RANBP3L: variants seen among roughly 807,000 people sequenced by gnomAD.
The protein encoded by RANBP3L is ran-binding protein 3-like.
Under a neutral mutation model 67.2 loss-of-function variants are expected in RANBP3L, and 56 were observed. That is an observed-to-expected ratio of 0.83 (90% CI 0.67 to 1.04). The LOEUF is 1.04. Ranked by LOEUF, RANBP3L falls within the 50% of genes least tolerant of loss-of-function variation. RANBP3L has a pLI of 0.00. For missense variants in RANBP3L, 496 were observed against 535.5 expected, an observed-to-expected ratio of 0.93 and a Z score of 0.73; for synonymous variants, 164 against 181.4, an observed-to-expected ratio of 0.90 and a Z score of 0.77.
intron 4 of RANBP3L, among the ~76,000 whole-genome samples, chr5:36,267,584 AGTAGTTT>A (rs1554016481): frequency 6.6e-6 from 1 of 152,142 alleles, no homozygotes; most frequent in Non-Finnish European, 1.5e-5. Flanking sequence ...AAATGAAGTG[AGTAGTTT>A]GTAATTTTTC....
At chr5:36,269,863 A>G in intron 3 of RANBP3L, 88 bp downstream of exon 3, 3 of 1,070,052 alleles carry the variant, frequency 2.8e-6, no homozygotes, top group Non-Finnish European at 4.4e-6. Context: ...TAACTTTCAC[A>G]TAGTCTGTGC....
chr5:36,281,665 A>G (rs1444812591), intron 1 of RANBP3L, among the ~76,000 whole-genome samples: 2 of 152,194 alleles, frequency 1.3e-5, no homozygotes, highest in Non-Finnish European at 2.9e-5. Context: ...TTTGCCGTCT[A>G]TAAAACACTG....
chr5:36,291,226 C>T (rs1751731614), intron 1 of RANBP3L, among the ~76,000 whole-genome samples: 1 of 151,974 alleles, frequency 6.6e-6, no homozygotes, highest in Admixed American at 6.6e-5. Context: ...TCCTTTCTGC[C>T]CCAAAACCCT....
At chr5:36,264,214 A>G (rs1306870197) in intron 6 of RANBP3L, among the ~76,000 whole-genome samples, 1 of 152,220 alleles carries the variant, frequency 6.6e-6, no homozygotes, top group East Asian at 1.9e-4. Context: ...AAGGGAAAAC[A>G]AAGCGAAACT....
chr5:36,297,487 G>A (rs1333828209), intron 1 of RANBP3L, among the ~76,000 whole-genome samples: 1 of 151,656 alleles, frequency 6.6e-6, no homozygotes, highest in African/African-American at 2.4e-5. Flanking sequence ...CCCTGAAGAA[G>A]CTTGACTACA....
chr5:36,269,001 C>T lies in RANBP3L; in HGVS notation c.268+389G>A, dbSNP rs143677243. Among the ~76,000 whole-genome samples the T allele has an allele frequency of 5.9e-5, 9 of 152,220 alleles. No homozygotes were observed. The East Asian group carries it at 7.7e-4, about 13-fold the overall frequency. On this transcript the variant is annotated intron_variant, in intron 4 of 13. Transcript: ENST00000296604. ...CTGGGATTGCAGGTATGAGCCACCG[C>T]GCCCAGCCTGTGGTTACTTTAAAAA... is the stretch of plus-strand genomic sequence containing the variant.
In RANBP3L at chr5:36,279,352, T is replaced by A. The variant is rs116812676; in HGVS notation, c.92-8041A>T. ...CATATGTGGGGGAACTCTAAAAAAC[T>A]TTTTTTAATGAAATAAACAACAAAC... On this transcript the variant is annotated intron_variant, in intron 1 of 13. Transcript: ENST00000296604. 5.8e-3 allele frequency among the ~76,000 whole-genome samples: 878 copies of A among 152,168 alleles called. 6 individuals are homozygous for A. The highest frequency in any genetic ancestry group is 0.024 in the Middle Eastern group (7 of 294).
chr5:36,263,384 A>C (rs1463945220), intron 6 of RANBP3L, among the ~76,000 whole-genome samples: 3 of 152,182 alleles, frequency 2.0e-5, no homozygotes, highest in South Asian at 2.1e-4. Flanking sequence ...TATTTACAAA[A>C]ATTCTGCCAA....
chr5:36,277,315 G>C (rs1457020783), intron 1 of RANBP3L, among the ~76,000 whole-genome samples: 1 of 151,738 alleles, frequency 6.6e-6, no homozygotes, highest in Admixed American at 6.6e-5. Context: ...TCTTTGGCTT[G>C]TCAAAGCATG....
intron 1 of RANBP3L, among the ~76,000 whole-genome samples, chr5:36,281,253 G>A (rs1750950729): frequency 6.6e-6 from 1 of 152,124 alleles, no homozygotes; most frequent in Non-Finnish European, 1.5e-5. Flanking sequence ...TAACGATTCA[G>A]CAAGGTCATG....
intron 4 of RANBP3L, 21 bp downstream of exon 4, chr5:36,269,369 A>C (rs1407310999): frequency 6.6e-6 from 9 of 1,367,252 alleles, no homozygotes; most frequent in Non-Finnish European, 7.3e-6. Flanking sequence ...GTGAATAGTC[A>C]ACAGTCAAGG....
intron 13 of RANBP3L, 63 bp from the exon 14 acceptor site, chr5:36,249,760 T>G: frequency 1.3e-6 from 1 of 774,014 alleles, no homozygotes; most frequent in Non-Finnish European, 2.1e-6. Context: ...TTTTTAATAT[T>G]GAATGCAACT....
rs190482150 is a variant in RANBP3L at position 36,261,664 on chromosome 5, G to A, written c.584+275C>T. ...CTAATCTACTAATCAGATAATTTAT[G>A]TCCAACTAAATAAAAGTTTAGCCAT... On this transcript the variant is annotated intron_variant, in intron 7 of 13. Coordinates refer to ENST00000296604, the MANE Select transcript of RANBP3L (RefSeq NM_145000.5). Among the ~76,000 whole-genome samples, 41 of 152,234 alleles carry A rather than the reference G, an allele frequency of 2.7e-4. 1 individual carries two copies. The East Asian group carries it at 7.7e-3, about 29-fold the overall frequency.
At chr5:36,271,754 T>A (rs1225510204) in intron 1 of RANBP3L, among the ~76,000 whole-genome samples, 1 of 152,162 alleles carries the variant, frequency 6.6e-6, no homozygotes, top group East Asian at 1.9e-4. Flanking sequence ...AACCTTAAAA[T>A]ATCCAGAAAT....
intron 4 of RANBP3L, chr5:36,268,297 A>G (rs1271179241): frequency 1.4e-6 from 2 of 1,460,284 alleles, no homozygotes; most frequent in South Asian, 1.4e-5. Flanking sequence ...TAAAGTCAGT[A>G]AGAAAGTGGG....
chr5:36,277,609 C>T (rs1750686717), intron 1 of RANBP3L, among the ~76,000 whole-genome samples: 1 of 152,008 alleles, frequency 6.6e-6, no homozygotes, highest in Non-Finnish European at 1.5e-5. Flanking sequence ...TATATGCACA[C>T]TTCTCTCCAT....
chr5:36,283,400 CA>C (rs5867311), intron 1 of RANBP3L, among the ~76,000 whole-genome samples: 3,927 of 143,238 alleles, frequency 0.027, 138 homozygotes, highest in East Asian at 0.16. Context: ...AAAAATGTTA[CA>C]AAAAAAAAAA....
chr5:36,275,559 G>A (rs1750514345), intron 1 of RANBP3L, among the ~76,000 whole-genome samples: 1 of 152,082 alleles, frequency 6.6e-6, no homozygotes, highest in Non-Finnish European at 1.5e-5. Flanking sequence ...GACCATACAC[G>A]TGAACTTCGA....
chr5:36,269,505 G>T, intron 3 of RANBP3L, 38 bp from the exon 4 acceptor site: 2 of 1,193,372 alleles, frequency 1.7e-6, no homozygotes, highest in Non-Finnish European at 2.5e-6. Context: ...AATTACTTGT[G>T]ATAATAAATT....
Sources: allele counts gnomAD v4.1 joint callset (sites outside exome capture counted in the v4.1 genomes callset), GRCh38; gene constraint gnomAD v4.1.1; transcripts MANE v1.5; gene names NCBI Gene and HGNC (gene_info 2026-07-23, HGNC 2026-07-21).